The following CACNA2D1 variants were observed in gnomAD, a reference collection of about 807,000 sequenced individuals.
CACNA2D1 encodes the protein calcium voltage-gated channel auxiliary subunit alpha2delta 1.
Under a neutral mutation model 171.5 loss-of-function variants are expected in CACNA2D1, and 53 were observed. The ratio of observed to expected loss-of-function variants is 0.31; its 90% CI spans 0.25 to 0.39. The LOEUF is 0.39. CACNA2D1 is among the 10% of genes least tolerant of loss of function. CACNA2D1 has a pLI of 1.00. For synonymous variants in CACNA2D1, 442 were observed against 443.1 expected, an observed-to-expected ratio of 1.00 and a Z score of 0.03; for missense variants, 903 against 1,299.8, an observed-to-expected ratio of 0.69 and a Z score of 4.69.
At chr7:81,950,805 C>T (rs1052771427) in intron 38 of CACNA2D1, among the ~76,000 whole-genome samples, 9 of 151,946 alleles carry the variant, frequency 5.9e-5, no homozygotes, top group Admixed American at 5.3e-4. Context: ...AAAACTTTCA[C>T]AGTATCAAAA....
At chr7:82,410,039 T>C (rs2129454617) in intron 1 of CACNA2D1, among the ~76,000 whole-genome samples, 1 of 152,320 alleles carries the variant, frequency 6.6e-6, no homozygotes, top group East Asian at 1.9e-4. Context: ...TATTATAATC[T>C]CATGGGACCA....
At chr7:82,217,390 C>CACACATATATATATATATATAT (rs1402573092) in intron 3 of CACNA2D1, among the ~76,000 whole-genome samples, 1 of 54,446 alleles carries the variant, frequency 1.8e-5, no homozygotes. Context: ...CACACACACA[C>CACACATATATATATATATATAT]ATACATATAT....
chr7:82,165,498 G>A (rs542260446), intron 4 of CACNA2D1, among the ~76,000 whole-genome samples: 2 of 152,090 alleles, frequency 1.3e-5, no homozygotes, highest in African/African-American at 4.8e-5. Flanking sequence ...AAAAACAAAA[G>A]AGATAGGTTA....
intron 1 of CACNA2D1, among the ~76,000 whole-genome samples, chr7:82,422,317 C>A (rs1005618397): frequency 1.3e-5 from 2 of 152,040 alleles, no homozygotes; most frequent in African/African-American, 4.8e-5. Context: ...AGATTTTCAT[C>A]CTTGATGAAT....
chr7:82,331,960 T>A (rs1817350861), intron 3 of CACNA2D1, among the ~76,000 whole-genome samples: 1 of 152,190 alleles, frequency 6.6e-6, no homozygotes, highest in Non-Finnish European at 1.5e-5. Flanking sequence ...TAAAAAAGGG[T>A]ATTCTCTCTC....
rs1302167005 is a variant in CACNA2D1, at chr7:81,962,469, C to G, written c.2807G>C (p.Ser936Thr). The G allele has an allele frequency of 1.2e-6, 2 of 1,604,182 alleles. No individual in the cohort carries two copies. The highest frequency in any genetic ancestry group is 1.7e-6 in the Non-Finnish European group (2 of 1,174,764). ...CTCAAGGAGTCGTGGAAAGGTCAAA[C>G]TCAAGAGAAACTGCTGTAGAATAGA... Reference protein sequence around the residue: ...AWSILQQFLLSLTFPRLLEAV... With the variant: ...AWSILQQFLLTLTFPRLLEAV... The change falls in exon 35 of 39, where the codon AGT (serine) becomes ACT (threonine). Residue 936 changes from serine (S) to threonine (T), a missense_variant. This residue lies in a region of CACNA2D1 where 623 missense variants were observed against 925.5 expected (regional missense o/e 0.67). Transcript: ENST00000356860.
chr7:82,117,115 T>C lies in CACNA2D1; in HGVS notation c.455A>G (p.Asp152Gly), dbSNP rs1414169983. 6.2e-7 allele frequency: 1 copy of C among 1,613,858 alleles called. No homozygotes were observed. The highest frequency in any genetic ancestry group is 2.2e-5 in the East Asian group (1 of 44,852). The part of the protein sequence containing the change: ...SQRIKPVFIE[D>G]ANFGRQISYQ... ...AGATATTTGTCGTCCAAAATTAGCATCTTCAATGAAAACAGGTTTTATCCT... is the reference window on the plus strand; with the variant it reads ...AGATATTTGTCGTCCAAAATTAGCACCTTCAATGAAAACAGGTTTTATCCT... Residue 152 changes from aspartate to glycine, a missense_variant, in exon 6 of 39, where the codon GAT becomes GGT. Around this residue, in one of 5 missense-constraint regions of CACNA2D1, gnomAD observed 189 missense variants for 266.8 expected, o/e 0.71. Transcript: ENST00000356860.
In CACNA2D1 at chr7:81,982,805, A is replaced by G. The variant is rs1796575780; in HGVS notation, c.1895-178T>C. On this transcript the variant is annotated intron_variant, in intron 23 of 38. Coordinates refer to ENST00000356860, the MANE Select transcript of CACNA2D1 (RefSeq NM_000722.4). ...AATGTCCTCAATGCTTCCCAAAATA[A>G]TAAAATTATAACATGGATTAACTTC... 4.5e-6 allele frequency: 3 copies of G among 668,354 alleles called. No homozygotes were observed. In the South Asian group the frequency reaches 4.9e-5, roughly 11 times the overall value. 41.4% of individuals were successfully genotyped at this position (668,354 alleles called of 1,614,324 possible). A position where few individuals can be genotyped will look rare whatever the true frequency, so the allele number is the denominator to read the frequency against.
In CACNA2D1 at chr7:82,292,410, A is replaced by G. The variant is rs186640731; in HGVS notation, c.294+42725T>C. Among the ~76,000 whole-genome samples the G allele has an allele frequency of 1.1e-4, 16 of 152,174 alleles. No homozygotes were observed. In the East Asian group the frequency reaches 1.5e-3, roughly 15 times the overall value. On this transcript the variant is annotated intron_variant, in intron 3 of 38. Transcript: ENST00000356860. ...CCTGTTTCTTTAAAACAATCCATGT[A>G]TTCCTTTTACTGTTTGTTTCCTTGT... is the stretch of plus-strand genomic sequence containing the variant.
At chr7:82,055,303 A>G (rs888843906) in intron 10 of CACNA2D1, among the ~76,000 whole-genome samples, 1 of 152,126 alleles carries the variant, frequency 6.6e-6, no homozygotes. Flanking sequence ...GCGTTCCTAG[A>G]GACCATAAAA....
chr7:82,251,447 T>C (rs914468871), intron 3 of CACNA2D1, among the ~76,000 whole-genome samples: 2 of 152,186 alleles, frequency 1.3e-5, no homozygotes, highest in African/African-American at 4.8e-5. Context: ...GATTTGTGCA[T>C]TTCATTGTAC....
In CACNA2D1 at chr7:82,150,271, AAAAACAAC is replaced by A. The variant is rs1563122864; in HGVS notation, c.355-13603_355-13596del. 7.0e-4 allele frequency among the ~76,000 whole-genome samples: 50 copies of A among 71,560 alleles called. 2 individuals carry two copies. Among genetic ancestry groups the A allele is most frequent in the Admixed American group, 7.3e-4 (6 of 8,192 alleles). The allele number at this position is 71,560 out of a possible 152,430, so 46.9% of individuals were successfully genotyped here. ...TTAGATCAAATTAAAAAAAAAAAAC[AAAAACAAC>A]AACAAAAAAAAACACCCTAGTAGCT... On this transcript the variant is annotated intron_variant, in intron 4 of 38. Coordinates refer to ENST00000356860, the MANE Select transcript of CACNA2D1 (RefSeq NM_000722.4).
chr7:82,012,093 G>A (rs564633221), intron 15 of CACNA2D1, 61 bp downstream of exon 15: 2 of 1,010,210 alleles, frequency 2.0e-6, no homozygotes, highest in South Asian at 1.3e-5. Flanking sequence ...CTAGAAAGAA[G>A]TAGAAATCAT....
At chr7:82,418,016 G>A (rs1477885502) in intron 1 of CACNA2D1, among the ~76,000 whole-genome samples, 1 of 152,158 alleles carries the variant, frequency 6.6e-6, no homozygotes, top group Non-Finnish European at 1.5e-5. Flanking sequence ...CTGCTATAAA[G>A]AACTGCCCAG....
intron 3 of CACNA2D1, among the ~76,000 whole-genome samples, chr7:82,201,881 C>T (rs1799471996): frequency 6.6e-6 from 1 of 152,184 alleles, no homozygotes; most frequent in Non-Finnish European, 1.5e-5. Flanking sequence ...CTCTGGCTTC[C>T]CACATTCCCT....
At chr7:82,440,168 T>C (rs1054214442) in intron 1 of CACNA2D1, among the ~76,000 whole-genome samples, 3 of 152,012 alleles carry the variant, frequency 2.0e-5, no homozygotes, top group African/African-American at 7.2e-5. Flanking sequence ...ACACTTTATA[T>C]TAAAATCCCT....
chr7:81,958,109 A>G (rs559848165), intron 38 of CACNA2D1, among the ~76,000 whole-genome samples: 1 of 152,150 alleles, frequency 6.6e-6, no homozygotes, highest in South Asian at 2.1e-4. Flanking sequence ...AAAAGAAAAA[A>G]AAAACGCTTA....
At chr7:82,163,132 T>C (rs764979457) in intron 4 of CACNA2D1, among the ~76,000 whole-genome samples, 4 of 152,074 alleles carry the variant, frequency 2.6e-5, no homozygotes, top group Non-Finnish European at 5.9e-5. Context: ...TCCCTAGGGT[T>C]CTGTTCTGAA....
chr7:82,045,502 G>C (rs1227704678), intron 10 of CACNA2D1, among the ~76,000 whole-genome samples: 3 of 152,002 alleles, frequency 2.0e-5, no homozygotes, highest in African/African-American at 7.3e-5. Flanking sequence ...AGTCATGGTG[G>C]AATTTAGTTT....
Sources: gnomAD v4.1 joint callset for allele counts (sites outside exome capture counted in the v4.1 genomes callset) on GRCh38, gnomAD v4.1.1 for gene constraint, gnomAD v4.1.1 regional missense constraint, MANE v1.5 for transcripts, NCBI Gene and HGNC (gene_info 2026-07-23, HGNC 2026-07-21) for gene names.